The following ROBO1 variants were observed in gnomAD, a reference collection of about 807,000 sequenced individuals.
ROBO1 encodes roundabout homolog 1.
In ROBO1, 149 loss-of-function variants were observed where a neutral mutation model predicts 195.9. The ratio of observed to expected loss-of-function variants is 0.76; its 90% CI spans 0.67 to 0.87. The LOEUF is 0.87. Among genes scored for constraint, ROBO1 ranks in the 40% least tolerant of loss-of-function variants. The pLI, the probability that ROBO1 is intolerant of heterozygous loss-of-function variation, is 0.00. For missense variants in ROBO1, 1,933 were observed against 2,068.3 expected (o/e 0.93, Z 1.27); for synonymous variants, 816 against 733.2 (o/e 1.11, Z -1.82).
intron 1 of ROBO1, among the ~76,000 whole-genome samples, chr3:79,660,287 C>T (rs1294562078): frequency 6.6e-6 from 1 of 151,280 alleles, no homozygotes; most frequent in Non-Finnish European, 1.5e-5. Context: ...GACTAAAATG[C>T]CAGCTCAAAG....
chr3:79,032,780 T>C (rs2078319105), intron 3 of ROBO1, among the ~76,000 whole-genome samples: 1 of 152,112 alleles, frequency 6.6e-6, no homozygotes, highest in Non-Finnish European at 1.5e-5. Flanking sequence ...ATACACATCC[T>C]ATTGAAATAG....
intron 1 of ROBO1, among the ~76,000 whole-genome samples, chr3:79,633,014 T>TA (rs1314003769): frequency 6.6e-6 from 1 of 151,820 alleles, no homozygotes; most frequent in East Asian, 1.9e-4. Context: ...AAAAGCAGAT[T>TA]AAAAAAAAGT....
At chr3:78,824,115 T>G (rs539589347) in intron 4 of ROBO1, among the ~76,000 whole-genome samples, 2 of 152,214 alleles carry the variant, frequency 1.3e-5, no homozygotes, top group African/African-American at 4.8e-5. Context: ...CCTATAGCAG[T>G]GCCATACTGT....
chr3:78,881,565 T>A (rs2036182150), intron 4 of ROBO1, among the ~76,000 whole-genome samples: 1 of 152,318 alleles, frequency 6.6e-6, no homozygotes, highest in Non-Finnish European at 1.5e-5. Flanking sequence ...TATAAGTACT[T>A]TGTTTTATTG....
At chr3:79,689,381 C>A (rs1947233389) in intron 1 of ROBO1, among the ~76,000 whole-genome samples, 1 of 151,970 alleles carries the variant, frequency 6.6e-6, no homozygotes, top group African/African-American at 2.4e-5. Context: ...TGCCAAAATA[C>A]ATCTTATGTT....
chr3:79,194,441 G>A (rs76364818), intron 2 of ROBO1, among the ~76,000 whole-genome samples: 13 of 151,624 alleles, frequency 8.6e-5, no homozygotes, highest in African/African-American at 1.7e-4. Context: ...TTTATACGAC[G>A]TCACTTTTTA....
intron 3 of ROBO1, among the ~76,000 whole-genome samples, chr3:79,068,293 T>C (rs559506913): frequency 6.6e-6 from 1 of 151,980 alleles, no homozygotes; most frequent in South Asian, 2.1e-4. Context: ...AAACTTCTCA[T>C]GCAATGAATG....
intron 2 of ROBO1, among the ~76,000 whole-genome samples, chr3:79,434,988 T>C (rs1218963891): frequency 1.3e-5 from 2 of 151,964 alleles, no homozygotes; most frequent in African/African-American, 2.4e-5. Context: ...CCGCATGTTC[T>C]CACTCATAGG....
Position 79,743,895 on chromosome 3 carries a change from C to T in ROBO1, c.-51+23857G>A, listed in dbSNP as rs145983899. Reference sequence around the variant, plus strand: ...ATAGCACACGGAGCCGTCGTCTCTACGGTAACACTGCCTTCTTCTGCAACA... The same window carrying T: ...ATAGCACACGGAGCCGTCGTCTCTATGGTAACACTGCCTTCTTCTGCAACA... On this transcript the variant is annotated intron_variant, in intron 1 of 30. Coordinates refer to ENST00000464233, the MANE Select transcript of ROBO1 (RefSeq NM_002941.4). Among the ~76,000 whole-genome samples, 34 of 152,268 alleles carry T rather than the reference C, an allele frequency of 2.2e-4. No homozygotes were observed. In the South Asian group the frequency reaches 5.2e-3, roughly 23 times the overall value.
chr3:78,937,917 C>T (rs936457423), intron 4 of ROBO1: 1 of 151,632 alleles, frequency 6.6e-6, no homozygotes, highest in Non-Finnish European at 1.5e-5. Context: ...TTAATGAAGA[C>T]AAATTTTTAA....
chr3:79,688,313 A>G (rs1229738324), intron 1 of ROBO1, among the ~76,000 whole-genome samples: 1 of 151,896 alleles, frequency 6.6e-6, no homozygotes, highest in Non-Finnish European at 1.5e-5. Context: ...GCACATGTAT[A>G]CATATGTAAC....
chr3:79,111,999 C>T (rs2079895331), intron 3 of ROBO1, among the ~76,000 whole-genome samples: 1 of 152,088 alleles, frequency 6.6e-6, no homozygotes, highest in Admixed American at 6.5e-5. Context: ...TGTGAAGTAC[C>T]TCAATAATAC....
At chr3:79,557,875 A>T (rs1209128348) in intron 2 of ROBO1, among the ~76,000 whole-genome samples, 1 of 151,564 alleles carries the variant, frequency 6.6e-6, no homozygotes, top group African/African-American at 2.4e-5. Flanking sequence ...ATGGCAAATG[A>T]GGAAAAGAGA....
At chr3:78,711,399 C>T (rs1309710653) in intron 8 of ROBO1, among the ~76,000 whole-genome samples, 2 of 44,820 alleles carry the variant, frequency 4.5e-5, no homozygotes, top group African/African-American at 9.4e-5. Flanking sequence ...TCCTTCCTTC[C>T]TTTCTTTCTT....
chr3:78,770,040 G>A (rs1431953460), intron 4 of ROBO1, among the ~76,000 whole-genome samples: 1 of 152,154 alleles, frequency 6.6e-6, no homozygotes, highest in Non-Finnish European at 1.5e-5. Flanking sequence ...TGGATAACCT[G>A]ATGACAGTGT....
intron 2 of ROBO1, among the ~76,000 whole-genome samples, chr3:79,554,241 A>T (rs1202043077): frequency 6.6e-6 from 1 of 152,014 alleles, no homozygotes; most frequent in Non-Finnish European, 1.5e-5. Context: ...GTTAGAGACC[A>T]TGGGACCCAG....
chr3:78,667,533 C>T (rs1213946385), intron 14 of ROBO1, among the ~76,000 whole-genome samples: 4 of 151,518 alleles, frequency 2.6e-5, no homozygotes, highest in East Asian at 1.9e-4. Context: ...TTTTTGTACC[C>T]GTTAACCATC....
chr3:79,525,097 A>G lies in ROBO1; in HGVS notation c.88+64727T>C, dbSNP rs375458297. ...TTTCTTATGTTATATTCTCCCTTCCATTCCAATTTCTTTAATGAAAAAGAT... is the reference window on the plus strand; with the variant it reads ...TTTCTTATGTTATATTCTCCCTTCCGTTCCAATTTCTTTAATGAAAAAGAT... On this transcript the variant is annotated intron_variant, in intron 2 of 30. Transcript: ENST00000464233. Among the ~76,000 whole-genome samples the G allele has an allele frequency of 8.6e-5, 13 of 151,800 alleles. No homozygotes were observed. In the East Asian group the frequency reaches 2.5e-3, roughly 29 times the overall value.
chr3:78,935,655 G>C (rs1165680908), intron 4 of ROBO1, among the ~76,000 whole-genome samples: 1 of 151,686 alleles, frequency 6.6e-6, no homozygotes, highest in Non-Finnish European at 1.5e-5. Flanking sequence ...TAGAAAGTTG[G>C]GTTTGAAATT....
Sources: gnomAD v4.1 joint callset for allele counts (sites outside exome capture counted in the v4.1 genomes callset) on GRCh38, gnomAD v4.1.1 for gene constraint, MANE v1.5 for transcripts, NCBI Gene and HGNC (gene_info 2026-07-23, HGNC 2026-07-21) for gene names.